Variants in SYBU observed in about 807,000 individuals in gnomAD.
SYBU encodes the protein syntabulin, also known as GOLSYN A protein.
In SYBU, 21 loss-of-function variants were observed where a neutral mutation model predicts 35.9. That is an observed-to-expected ratio of 0.58 (90% CI 0.41 to 0.84). The LOEUF is 0.84. Ranked by LOEUF, SYBU falls within the 40% of genes least tolerant of loss-of-function variation. The pLI is 0.00. For missense variants in SYBU, 768 were observed against 848.2 expected (o/e 0.91, Z 1.17); for synonymous variants, 319 against 324.3 (o/e 0.98, Z 0.18).
chr8:109,654,941 T>C (rs867909987), intron 1 of SYBU, among the ~76,000 whole-genome samples: 38 of 152,282 alleles, frequency 2.5e-4, no homozygotes, highest in Middle Eastern at 3.4e-3. Flanking sequence ...TTCTAACCTG[T>C]CCCCCACACT....
intron 2 of SYBU, among the ~76,000 whole-genome samples, chr8:109,634,154 A>C (rs1324195000): frequency 2.6e-5 from 4 of 152,178 alleles, no homozygotes; most frequent in African/African-American, 9.7e-5. Context: ...CTGAGCTTTT[A>C]AGACTCTGCT....
chr8:109,630,426 TA>T lies in SYBU; in HGVS notation c.230-11388del, dbSNP rs965667618. On this transcript the variant is annotated intron_variant, in intron 2 of 6. Coordinates refer to ENST00000276646, the MANE Select transcript of SYBU (RefSeq NM_001099754.2). ...TACCCTAAAACTTGAAGTATAATAA[TA>T]AAAAAAAAAAGAATGAAAGGATAGA... 2.3e-3 allele frequency among the ~76,000 whole-genome samples: 307 copies of T among 134,494 alleles called. 1 individual carries two copies. The highest frequency in any genetic ancestry group is 6.6e-3 in the East Asian group (31 of 4,718). The allele number at this position is 134,494 out of a possible 152,430, so 88.2% of individuals were successfully genotyped here.
intron 1 of SYBU, among the ~76,000 whole-genome samples, chr8:109,659,727 C>T (rs1246737002): frequency 3.3e-5 from 5 of 152,062 alleles, no homozygotes; most frequent in East Asian, 3.9e-4. Flanking sequence ...GTGTGCCTTT[C>T]CCCCCAAATC....
upstream of SYBU, among the ~76,000 whole-genome samples, chr8:109,681,927 G>T (rs150325560): frequency 3.9e-4 from 60 of 152,158 alleles, no homozygotes; most frequent in African/African-American, 1.4e-3. Flanking sequence ...GTTTTATAAG[G>T]GGTTTCTCCC....
rs139682430 is a variant in SYBU at position 109,622,263 on chromosome 8, G to A, written c.230-3224C>T. On this transcript the variant is annotated intron_variant, in intron 2 of 6. Transcript: ENST00000276646. ...ATCTATCTTTTTAAGACAGAGTCTC[G>A]CTCTGTCGCCTAGGCTGCAGTGCAG... 8.3e-3 allele frequency among the ~76,000 whole-genome samples: 1,253 copies of A among 150,080 alleles called. 10 individuals carry two copies. Among genetic ancestry groups the A allele is most frequent in the African/African-American group, 0.029 (1,191 of 40,770 alleles).
chr8:109,617,620 G>C (rs568817680), intron 3 of SYBU, among the ~76,000 whole-genome samples: 1 of 151,990 alleles, frequency 6.6e-6, no homozygotes, highest in African/African-American at 2.4e-5. Flanking sequence ...AAATATCAAG[G>C]GTGCTCAACA....
chr8:109,633,172 A>T (rs1420044381), intron 2 of SYBU, among the ~76,000 whole-genome samples: 1 of 152,224 alleles, frequency 6.6e-6, no homozygotes, highest in Non-Finnish European at 1.5e-5. Flanking sequence ...ATTAGCATTA[A>T]AGAAAATATA....
At chr8:109,650,521 G>T (rs545865024) in intron 1 of SYBU, among the ~76,000 whole-genome samples, 2 of 152,134 alleles carry the variant, frequency 1.3e-5, no homozygotes, top group Non-Finnish European at 2.9e-5. Flanking sequence ...GTTGGTGTGG[G>T]GGTCACTGGT....
intron 4 of SYBU, 53 bp from the exon 5 acceptor site, chr8:109,580,055 G>C: frequency 6.6e-7 from 1 of 1,512,588 alleles, no homozygotes. Context: ...AGATGCCCAA[G>C]GGCTAATGTC....
Position 109,576,001 on chromosome 8 carries a change from G to T in SYBU, c.897C>A (p.Ile299=), listed in dbSNP as rs367900187. ...GGGCCAGCTGGGACTTAAGCTCCACGATTTCACTTTCCCTAGAGTGCCAAG... is the reference window on the plus strand; with the variant it reads ...GGGCCAGCTGGGACTTAAGCTCCACTATTTCACTTTCCCTAGAGTGCCAAG... ...ERRLHERESE[I]VELKSQLARM... Residue 299 remains isoleucine, a synonymous_variant, in exon 7 of 7, where the codon ATC becomes ATA. Coordinates refer to ENST00000276646, the MANE Select transcript of SYBU (RefSeq NM_001099754.2). 8 of 1,460,036 alleles carry T rather than the reference G, an allele frequency of 5.5e-6. No homozygotes were observed. Among genetic ancestry groups the T allele is most frequent in the Non-Finnish European group, 6.4e-6 (7 of 1,090,128 alleles). The allele number at this position is 1,460,036 out of a possible 1,614,324, so 90.4% of individuals were successfully genotyped here.
At chr8:109,688,270 T>C (rs1235386219) in intron 1 of SYBU, among the ~76,000 whole-genome samples, 1 of 152,214 alleles carries the variant, frequency 6.6e-6, no homozygotes, top group Non-Finnish European at 1.5e-5. Context: ...GTAAATAGTA[T>C]GATTCATATT....
At chr8:109,663,812 A>T (rs1258849036) in intron 1 of SYBU, among the ~76,000 whole-genome samples, 1 of 151,994 alleles carries the variant, frequency 6.6e-6, no homozygotes, top group Non-Finnish European at 1.5e-5. Flanking sequence ...ATTGTTTCTG[A>T]TGCTATTTCA....
chr8:109,645,480 C>T, upstream of SYBU: 1 of 369,848 alleles, frequency 2.7e-6, no homozygotes, highest in Non-Finnish European at 5.3e-6. Flanking sequence ...CGCTGCCCTG[C>T]AGCTGCCCGG....
At position 109,579,126 on chromosome 8, in the gene SYBU, A is replaced by T. The variant is rs1822709090; in HGVS notation, c.734+673T>A. 2.6e-5 allele frequency among the ~76,000 whole-genome samples: 4 copies of T among 152,172 alleles called. No homozygotes were observed. The South Asian group carries it at 8.3e-4, about 32-fold the overall frequency. On this transcript the variant is annotated intron_variant, in intron 5 of 6. Coordinates refer to ENST00000276646, the MANE Select transcript of SYBU (RefSeq NM_001099754.2). ...CAGCTCCTTCCCTGACTCTGGACCC[A>T]GTCCCAGCCACTATGCTGCCAGCTC...
chr8:109,621,293 G>T (rs551081888), intron 2 of SYBU, among the ~76,000 whole-genome samples: 21 of 152,304 alleles, frequency 1.4e-4, no homozygotes, highest in African/African-American at 4.3e-4. Flanking sequence ...AAGTGCTGGG[G>T]TCTGGTTAAA....
chr8:109,591,676 T>C (rs1439166856), intron 3 of SYBU, among the ~76,000 whole-genome samples: 1 of 150,618 alleles, frequency 6.6e-6, no homozygotes, highest in African/African-American at 2.4e-5. Context: ...CACGCCCGGC[T>C]AATTTTTTTG....
At chr8:109,644,836 A>G, upstream of SYBU, 1 of 613,830 alleles carries the variant, frequency 1.6e-6, no homozygotes, top group Non-Finnish European at 2.6e-6. Context: ...CTCCGAGGGC[A>G]CGCCCGACCC....
At chr8:109,633,794 C>T (rs1563746790) in intron 2 of SYBU, among the ~76,000 whole-genome samples, 2 of 152,098 alleles carry the variant, frequency 1.3e-5, no homozygotes, top group Non-Finnish European at 2.9e-5. Flanking sequence ...AGTGCAGTGG[C>T]GCAATCTTGG....
At chr8:109,618,673 C>A in intron 3 of SYBU, 169 bp downstream of exon 3, 1 of 643,342 alleles carries the variant, frequency 1.6e-6, no homozygotes, top group East Asian at 2.6e-5. Context: ...TATTAAAAAC[C>A]ATTTCAGAAA....
Sources: allele counts gnomAD v4.1 joint callset (sites outside exome capture counted in the v4.1 genomes callset), GRCh38; gene constraint gnomAD v4.1.1; transcripts MANE v1.5; gene names NCBI Gene and HGNC (gene_info 2026-07-23, HGNC 2026-07-21).